FAM184B: variants seen among roughly 807,000 people sequenced by gnomAD.
FAM184B encodes the protein family with sequence similarity 184 member B, also known as protein FAM184B.
FAM184B carries 111 observed loss-of-function variants against 135.9 expected under a neutral mutation model. The ratio of observed to expected loss-of-function variants is 0.82; its 90% CI spans 0.70 to 0.96. The LOEUF (loss-of-function observed/expected upper bound fraction) is 0.96, where lower values mean the gene tolerates loss of function less well. Ranked by LOEUF, FAM184B falls within the 40% of genes least tolerant of loss-of-function variation. FAM184B has a pLI of 0.00. For synonymous variants in FAM184B, 552 were observed against 524.8 expected, an observed-to-expected ratio of 1.05 and a Z score of -0.71; for missense variants, 1,375 against 1,323.9, an observed-to-expected ratio of 1.04 and a Z score of -0.60.
chr4:17,642,197 G>A lies in FAM184B; in HGVS notation c.2378C>T (p.Pro793Leu). 1 of 1,523,568 alleles carries A rather than the reference G, an allele frequency of 6.6e-7. No individual in the cohort carries two copies. The highest frequency in any genetic ancestry group is 8.8e-7 in the Non-Finnish European group (1 of 1,141,938). The allele number at this position is 1,523,568 out of a possible 1,614,324, so 94.4% of individuals were successfully genotyped here. A position where few individuals can be genotyped will look rare whatever the true frequency, so the allele number is the denominator to read the frequency against. The change falls in exon 13 of 18, where the codon CCA becomes CTA. Residue 793 changes from proline to leucine, a missense_variant. By Grantham distance (98) the Pro-to-Leu change is moderately conservative (BLOSUM62 -3). Coordinates refer to ENST00000265018, the MANE Select transcript of FAM184B (RefSeq NM_015688.2). ...GGAACCCTGCCCAGCAGCGCCCGGT[G>A]GGGAGCCGGCCTGGCCCGGGCCGCC... ...ERGGPGQAGS[P>L]PGAAGQGSGE...
rs1406829204 is a variant in FAM184B, at chr4:17,687,964, C to G, written c.1596+460G>C. ...TGAGCCAGACAGAGACAAACAGGAACCAGTTTCTACCCTCAAGCGGCGTCC... is the reference window on the plus strand; with the variant it reads ...TGAGCCAGACAGAGACAAACAGGAAGCAGTTTCTACCCTCAAGCGGCGTCC... On this transcript the variant is annotated intron_variant, in intron 7 of 17. Transcript: ENST00000265018. Among the ~76,000 whole-genome samples the G allele has an allele frequency of 3.9e-5, 6 of 152,238 alleles. No individual in the cohort carries two copies. In the South Asian group the frequency reaches 1.2e-3, roughly 32 times the overall value.
At chr4:17,766,839 C>T (rs962051404) in intron 1 of FAM184B, among the ~76,000 whole-genome samples, 6 of 152,220 alleles carry the variant, frequency 3.9e-5, no homozygotes, top group Non-Finnish European at 7.3e-5. Context: ...GTCAATGGGA[C>T]CAGGCGCCAC....
intron 1 of FAM184B, among the ~76,000 whole-genome samples, chr4:17,723,862 C>A (rs190257783): frequency 2.6e-5 from 4 of 152,266 alleles, no homozygotes; most frequent in Admixed American, 2.6e-4. Flanking sequence ...GAAAGCGTAG[C>A]GTGCCTGCCA....
intron 10 of FAM184B, 26 bp downstream of exon 10, chr4:17,658,324 A>T (rs1715827164): frequency 6.5e-7 from 1 of 1,549,546 alleles, no homozygotes; most frequent in African/African-American, 1.4e-5. Context: ...CCCGGCACAG[A>T]GTAGACGGCA....
chr4:17,634,995 T>G lies in FAM184B; in HGVS notation c.2889+14A>C. On this transcript the variant is annotated intron_variant, in intron 16 of 17. Transcript: ENST00000265018. ...GAATTGTATAATGCATTAAAACCATTAGAACCAATTTACCTTCATGGAAGG... is the reference window on the plus strand; with the variant it reads ...GAATTGTATAATGCATTAAAACCATGAGAACCAATTTACCTTCATGGAAGG... The G allele has an allele frequency of 6.5e-7, 1 of 1,540,002 alleles. No homozygotes were observed. The highest frequency in any genetic ancestry group is 8.8e-7 in the Non-Finnish European group (1 of 1,136,242).
chr4:17,669,047 G>A (rs1216590822), intron 7 of FAM184B, among the ~76,000 whole-genome samples: 1 of 152,216 alleles, frequency 6.6e-6, no homozygotes, highest in African/African-American at 2.4e-5. Context: ...GCCAGGGACT[G>A]AGAACACGCT....
intron 1 of FAM184B, among the ~76,000 whole-genome samples, chr4:17,748,103 G>GAAAAAAAAAA (rs58795222): frequency 2.0e-4 from 14 of 70,252 alleles, no homozygotes; most frequent in Non-Finnish European, 2.8e-4. Flanking sequence ...GACTCCGTCT[G>GAAAAAAAAAA]AAAAAAAAAA....
intron 13 of FAM184B, 142 bp downstream of exon 13, chr4:17,641,914 A>G: frequency 8.2e-7 from 1 of 1,226,210 alleles, no homozygotes; most frequent in Non-Finnish European, 1.1e-6. Context: ...TGGCGCATTC[A>G]GTGTCTAGTG....
rs182744741 is a variant in FAM184B at position 17,657,982 on chromosome 4, C to T, written c.2037+368G>A. On this transcript the variant is annotated intron_variant, in intron 10 of 17. Transcript: ENST00000265018. ...TGAGCTGTTCTTTCTCAATTCTGTG[C>T]TGCTCTCTTCGTTTTTAGCTGCAGG... Among the ~76,000 whole-genome samples the T allele has an allele frequency of 9.7e-4, 147 of 152,238 alleles. 2 individuals are homozygous for T. Among genetic ancestry groups the T allele is most frequent in the Admixed American group, 7.2e-3 (110 of 15,276 alleles).
At chr4:17,763,121 T>C (rs1181110639) in intron 1 of FAM184B, among the ~76,000 whole-genome samples, 1 of 152,182 alleles carries the variant, frequency 6.6e-6, no homozygotes, top group Non-Finnish European at 1.5e-5. Flanking sequence ...TTTCTTTGCC[T>C]GTCAACCCCA....
Position 17,636,603 on chromosome 4 carries a change from C to A in FAM184B, c.2709G>T (p.Arg903Ser). 6.4e-7 allele frequency: 1 copy of A among 1,550,894 alleles called. No individual in the cohort carries two copies. The highest frequency in any genetic ancestry group is 8.7e-7 in the Non-Finnish European group (1 of 1,146,922). The change falls in exon 15 of 18, where the codon AGG becomes AGT. Residue 903 changes from arginine (R) to serine (S), a missense_variant. Transcript: ENST00000265018. ...GGCCAATGAGCTGAAGGTCCTCGGG[C>A]CTGGACGCTCCCTTCCCTGGCTTCT... ...SGEKPGKGAS[R>S]PEDLQLIGRL...
At chr4:17,699,752 T>C (rs1404732247) in intron 5 of FAM184B, among the ~76,000 whole-genome samples, 3 of 152,084 alleles carry the variant, frequency 2.0e-5, no homozygotes, top group African/African-American at 7.2e-5. Flanking sequence ...ACCAAAGGAA[T>C]GAAGACTGCA....
intron 1 of FAM184B, among the ~76,000 whole-genome samples, chr4:17,767,894 G>A (rs1013754812): frequency 2.6e-5 from 4 of 152,160 alleles, no homozygotes; most frequent in African/African-American, 9.7e-5. Flanking sequence ...GTGTTTATTT[G>A]CATGCTTTAA....
intron 7 of FAM184B, among the ~76,000 whole-genome samples, chr4:17,667,813 G>A (rs1481419898): frequency 6.6e-6 from 1 of 152,214 alleles, no homozygotes; most frequent in Non-Finnish European, 1.5e-5. Flanking sequence ...CTTGAATGCA[G>A]GGCACCTGGT....
chr4:17,641,643 CTTTTTTTTTTTTTTTTTTTTTTT>C (rs34886078), intron 13 of FAM184B, among the ~76,000 whole-genome samples: 1 of 24,376 alleles, frequency 4.1e-5, no homozygotes, highest in African/African-American at 1.6e-4. Flanking sequence ...CACGCCCGGC[CTTTTTTTTTTTTTTTTTTTTTTT>C]TTTTTGTATT....
Position 17,744,461 on chromosome 4 carries a change from T to A in FAM184B, c.142-34817A>T, listed in dbSNP as rs369454818. On this transcript the variant is annotated intron_variant, in intron 1 of 17. Transcript: ENST00000265018. ...ATGAGTCACTCATTCTCTCTCTCTC[T>A]CACACACACACACACACACACACAC... 4.5e-3 allele frequency among the ~76,000 whole-genome samples: 629 copies of A among 140,960 alleles called. 4 individuals are homozygous for A. The highest frequency in any genetic ancestry group is 9.5e-3 in the African/African-American group (365 of 38,350). 92.5% of individuals were successfully genotyped at this position (140,960 alleles called of 152,430 possible).
Position 17,641,643 on chromosome 4 carries a change from C to CTT in FAM184B, c.2519+411_2519+412dup, listed in dbSNP as rs34886078. Among the ~76,000 whole-genome samples, 214 of 24,352 alleles carry CTT rather than the reference C, an allele frequency of 8.8e-3. 32 individuals carry two copies. The highest frequency in any genetic ancestry group is 0.026 in the African/African-American group (168 of 6,410). 16.0% of individuals were successfully genotyped at this position (24,352 alleles called of 152,430 possible). On this transcript the variant is annotated intron_variant, in intron 13 of 17. Coordinates refer to ENST00000265018, the MANE Select transcript of FAM184B (RefSeq NM_015688.2). ...ACAGGCACACACCACCACGCCCGGC[C>CTT]TTTTTTTTTTTTTTTTTTTTTTTTT... is the stretch of plus-strand genomic sequence containing the variant.
intron 12 of FAM184B, among the ~76,000 whole-genome samples, chr4:17,643,189 T>A (rs1463671503): frequency 6.6e-6 from 1 of 152,186 alleles, no homozygotes; most frequent in Non-Finnish European, 1.5e-5. Context: ...CTCTTGGGTC[T>A]CTGGGTGGGA....
chr4:17,631,841 A>C lies in FAM184B; in HGVS notation c.*691T>G, dbSNP rs1714953483. 6.6e-6 allele frequency: 1 copy of C among 152,168 alleles called. No homozygotes were observed. Among genetic ancestry groups the C allele is most frequent in the South Asian group, 2.1e-4 (1 of 4,824 alleles). The allele number at this position is 152,168 out of a possible 1,614,324, so 9.4% of individuals were successfully genotyped here. A position where few individuals can be genotyped will look rare whatever the true frequency, so the allele number is the denominator to read the frequency against. ...ATTTTGGAATTGCATCATTTTACAT[A>C]GAAACAGCTTTCCAGTGGAGTTGAC... On this transcript the variant is annotated 3_prime_UTR_variant, in exon 18 of 18. Coordinates refer to ENST00000265018, the MANE Select transcript of FAM184B (RefSeq NM_015688.2).
Sources: allele counts gnomAD v4.1 joint callset (sites outside exome capture counted in the v4.1 genomes callset), GRCh38; gene constraint gnomAD v4.1.1; transcripts MANE v1.5; gene names NCBI Gene and HGNC (gene_info 2026-07-23, HGNC 2026-07-21).